Variants in EMC1 observed in about 807,000 individuals in gnomAD.
EMC1 encodes the protein ER membrane protein complex subunit 1.
Under a neutral mutation model 128.8 loss-of-function variants are expected in EMC1, and 103 were observed. That is an observed-to-expected ratio of 0.80 (90% CI 0.68 to 0.94). EMC1 has a LOEUF of 0.94. Among genes scored for constraint, EMC1 ranks in the 40% least tolerant of loss-of-function variants. The probability of loss-of-function intolerance (pLI) is 0.00; values close to 1 mark genes in which losing one functional copy is unlikely to be tolerated. For synonymous variants in EMC1, 442 were observed against 490.4 expected (o/e 0.90, Z 1.30); for missense variants, 1,083 against 1,250.6 (o/e 0.87, Z 2.02).
At chr1:19,224,040 G>A (rs1054418870) in intron 18 of EMC1, among the ~76,000 whole-genome samples, 8 of 152,204 alleles carry the variant, frequency 5.3e-5, no homozygotes, top group African/African-American at 1.9e-4. Flanking sequence ...ACGTGACGCA[G>A]GTGATCACTA....
intron 8 of EMC1, 74 bp from the exon 9 acceptor site, chr1:19,239,376 C>G: frequency 1.5e-6 from 2 of 1,313,910 alleles, no homozygotes; most frequent in Non-Finnish European, 2.2e-6. Context: ...GGTCACCTCT[C>G]CAGGGAAGGC....
chr1:19,233,918 G>A (rs1210437624), intron 13 of EMC1, among the ~76,000 whole-genome samples: 1 of 152,160 alleles, frequency 6.6e-6, no homozygotes, highest in Non-Finnish European at 1.5e-5. Flanking sequence ...TGTACATAAA[G>A]GATTTAGCGT....
chr1:19,229,322 G>T (rs1162993291), intron 17 of EMC1: 2 of 152,100 alleles, frequency 1.3e-5, no homozygotes, highest in Non-Finnish European at 2.9e-5. Context: ...AGCCTTCATT[G>T]CCACAACCTT....
In EMC1 at chr1:19,216,688, C is replaced by A; in HGVS notation, c.*2615G>T. On this transcript the variant is annotated 3_prime_UTR_variant, in exon 23 of 23. Coordinates refer to ENST00000477853, the MANE Select transcript of EMC1 (RefSeq NM_015047.3). ...CGTAATTAATGAATACTAAAACAAA[C>A]TAGTTTTTGTTTTTGTTTTTGAGCC... is the stretch of plus-strand genomic sequence containing the variant. 1 of 152,146 alleles carries A rather than the reference C, an allele frequency of 6.6e-6. No homozygotes were observed. The highest frequency in any genetic ancestry group is 1.5e-5 in the Non-Finnish European group (1 of 67,988). 9.4% of individuals were successfully genotyped at this position (152,146 alleles called of 1,614,324 possible).
rs1414987405 is a variant in EMC1 at position 19,217,986 on chromosome 1, A to G, written c.*1317T>C. 2 of 152,258 alleles carry G rather than the reference A, an allele frequency of 1.3e-5. No homozygotes were observed. The highest frequency in any genetic ancestry group is 1.3e-4 in the Admixed American group (2 of 15,288). 9.4% of individuals were successfully genotyped at this position (152,258 alleles called of 1,614,324 possible). On this transcript the variant is annotated 3_prime_UTR_variant, in exon 23 of 23. Coordinates refer to ENST00000477853, the MANE Select transcript of EMC1 (RefSeq NM_015047.3). The stretch of plus-strand genomic sequence containing the variant: ...ATGATTAAACTGACCTTTCCTTACT[A>G]AAATAAAATACACTTACTCCATGTC...
In EMC1 at chr1:19,239,861, T is replaced by C. The variant is rs1409427402; in HGVS notation, c.911A>G (p.Gln304Arg). The change falls in exon 8 of 23, where the codon CAG (glutamine) becomes CGG (arginine). Residue 304 changes from glutamine (Q) to arginine (R), a missense_variant. Coordinates refer to ENST00000477853, the MANE Select transcript of EMC1 (RefSeq NM_015047.3). ...HLSPSHYALL[Q>R]YHYGTLSLLK... is the part of the protein sequence containing the mutation. The stretch of plus-strand genomic sequence containing the variant: ...CAAACTCAGCGTTCCATAATGGTAC[T>C]GCAGCAGAGCATAGTGGCTTGGGGA... 1.9e-6 allele frequency: 3 copies of C among 1,614,014 alleles called. No individual in the cohort carries two copies. Among genetic ancestry groups the C allele is most frequent in the Non-Finnish European group, 2.5e-6 (3 of 1,180,006 alleles).
intron 10 of EMC1, among the ~76,000 whole-genome samples, chr1:19,238,347 A>G (rs2093581694): frequency 6.6e-6 from 1 of 152,240 alleles, no homozygotes; most frequent in Non-Finnish European, 1.5e-5. Context: ...TACAACTACC[A>G]TACTTGTCTT....
Position 19,217,944 on chromosome 1 carries a change from AC to A in EMC1, c.*1358del, listed in dbSNP as rs1251779061. ...TAGAAAGATGACAAATTTTTAGATA[AC>A]CTAACCAACCCATATATGATTAAAC... is the stretch of plus-strand genomic sequence containing the variant. On this transcript the variant is annotated 3_prime_UTR_variant, in exon 23 of 23. Transcript: ENST00000477853. The A allele has an allele frequency of 6.6e-6, 1 of 152,218 alleles. No homozygotes were observed. Among genetic ancestry groups the A allele is most frequent in the East Asian group, 1.9e-4 (1 of 5,200 alleles). 9.4% of individuals were successfully genotyped at this position (152,218 alleles called of 1,614,324 possible).
intron 1 of EMC1, among the ~76,000 whole-genome samples, chr1:19,249,863 G>A (rs1401169018): frequency 1.3e-5 from 2 of 152,094 alleles, no homozygotes; most frequent in South Asian, 2.1e-4. Flanking sequence ...AAGCTGCAGT[G>A]AGCCATGATA....
At chr1:19,240,243 TC>T in intron 7 of EMC1, 53 bp downstream of exon 7, 2 of 1,608,172 alleles carry the variant, frequency 1.2e-6, no homozygotes, top group Non-Finnish European at 1.7e-6. Flanking sequence ...TGCCAAACTT[TC>T]TACTCCCCGC....
At chr1:19,241,186 G>A in intron 5 of EMC1, 44 bp from the exon 6 acceptor site, 2 of 1,610,488 alleles carry the variant, frequency 1.2e-6, no homozygotes, top group South Asian at 2.2e-5. Flanking sequence ...TTTCAACCCA[G>A]GACAGGATTA....
intron 17 of EMC1, among the ~76,000 whole-genome samples, chr1:19,228,778 G>T (rs139792971): frequency 4.6e-5 from 7 of 152,210 alleles, no homozygotes; most frequent in African/African-American, 1.4e-4. Flanking sequence ...TGGGCCGGGC[G>T]TGGTGGCTCA....
chr1:19,239,320 C>CTG lies in EMC1; in HGVS notation c.955-19_955-18insCA, dbSNP rs748954139. On this transcript the variant is annotated intron_variant, in intron 8 of 22. Coordinates refer to ENST00000477853, the MANE Select transcript of EMC1 (RefSeq NM_015047.3). ...AGGGCAGTCTGGGGGAAAAGCAAGG[C>CTG]ATCAGCTCCTAAATGGGACCAGTAC... 1.8e-5 allele frequency: 29 copies of CTG among 1,612,510 alleles called. No individual in the cohort carries two copies. In the Admixed American group the frequency reaches 4.8e-4, roughly 27 times the overall value.
chr1:19,222,592 C>G (rs748581166), intron 20 of EMC1, 32 bp downstream of exon 20: 1 of 1,604,404 alleles, frequency 6.2e-7, no homozygotes, highest in Non-Finnish European at 8.5e-7. Context: ...CCAAGGGAAC[C>G]CAGCCATCCC....
At position 19,223,544 on chromosome 1, in the gene EMC1, A is replaced by G. The variant is rs2093448309; in HGVS notation, c.2228T>C (p.Val743Ala). 2 of 1,613,960 alleles carry G rather than the reference A, an allele frequency of 1.2e-6. No individual in the cohort carries two copies. Among genetic ancestry groups the G allele is most frequent in the Admixed American group, 3.3e-5 (2 of 59,994 alleles). Residue 743 changes from valine (V) to alanine (A), a missense_variant, in exon 19 of 23, where the codon GTG (valine) becomes GCG (alanine). Coordinates refer to ENST00000477853, the MANE Select transcript of EMC1 (RefSeq NM_015047.3). ...YKSLNPNLLA[V>A]VTESTDAHHE... ...GTGCGCGTCTGTGCTCTCTGTCACC[A>G]CGGCCAGCAGGTTGGGGTTCAGGCT...
chr1:19,222,260 A>C (rs2093437086), intron 20 of EMC1, among the ~76,000 whole-genome samples: 1 of 152,128 alleles, frequency 6.6e-6, no homozygotes, highest in South Asian at 2.1e-4. Context: ...AGGAGTCTAG[A>C]TCAGCCTGGG....
chr1:19,226,706 C>A (rs1022173109), intron 18 of EMC1, among the ~76,000 whole-genome samples: 10 of 151,816 alleles, frequency 6.6e-5, no homozygotes, highest in Non-Finnish European at 1.3e-4. Context: ...CAGGCATGCA[C>A]CACCATGCCC....
At position 19,239,974 on chromosome 1, in the gene EMC1, T is replaced by G; in HGVS notation, c.798A>C (p.Leu266Phe). 5 of 1,611,984 alleles carry G rather than the reference T, an allele frequency of 3.1e-6. No individual in the cohort carries two copies. Among genetic ancestry groups the G allele is most frequent in the Non-Finnish European group, 4.2e-6 (5 of 1,178,612 alleles). Residue 266 changes from leucine (L) to phenylalanine (F), a missense_variant, in exon 8 of 23, where the codon TTA becomes TTC. Around this residue, in one of 3 missense-constraint regions of EMC1, gnomAD observed 544 missense variants for 572.4 expected, o/e 0.95. Coordinates refer to ENST00000477853, the MANE Select transcript of EMC1 (RefSeq NM_015047.3). ...GGGGTTGGAATCCACTTCCAAATTC[T>G]AAGTCGAGAGACTGGAAGGCAAGAA... ...LRQIPLQSLD[L>F]EFGSGFQPRV...
intron 18 of EMC1, among the ~76,000 whole-genome samples, chr1:19,226,746 T>TG (rs368487574): frequency 1.5e-4 from 22 of 150,122 alleles, no homozygotes; most frequent in Admixed American, 2.7e-4. Context: ...TTTTTTTTTT[T>TG]GGGGGTGGTA....
Sources: allele counts gnomAD v4.1 joint callset (sites outside exome capture counted in the v4.1 genomes callset), GRCh38; gene constraint gnomAD v4.1.1; regional missense constraint gnomAD v4.1.1; transcripts MANE v1.5; gene names NCBI Gene and HGNC (gene_info 2026-07-23, HGNC 2026-07-21).